Variants in RYR2 observed in about 807,000 individuals in gnomAD.
RYR2 encodes the protein cardiac muscle ryanodine receptor-calcium release channel.
Under a neutral mutation model 601.1 loss-of-function variants are expected in RYR2, and 227 were observed. The observed-to-expected ratio is 0.38, with a 90% CI of 0.34 to 0.42. The LOEUF is 0.42. Ranked by LOEUF, RYR2 falls within the 10% of genes least tolerant of loss-of-function variation. The pLI, the probability that RYR2 is intolerant of heterozygous loss-of-function variation, is 1.00. For synonymous variants in RYR2, 2,223 were observed against 2,175.1 expected (o/e 1.02, Z -0.61); for missense variants, 4,646 against 6,156.5 (o/e 0.75, Z 8.21).
At chr1:237,726,832 A>G (rs1264412764) in intron 75 of RYR2, among the ~76,000 whole-genome samples, 1 of 152,120 alleles carries the variant, frequency 6.6e-6, no homozygotes, top group Non-Finnish European at 1.5e-5. Context: ...CAGTATTGGG[A>G]AAATGTGATA....
intron 12 of RYR2, among the ~76,000 whole-genome samples, chr1:237,434,605 T>A (rs1045130025): frequency 6.6e-6 from 1 of 152,170 alleles, no homozygotes; most frequent in African/African-American, 2.4e-5. Flanking sequence ...ACCCTCCAGA[T>A]AAAATTTTTT....
rs1676566619 is a variant in RYR2 at position 237,602,111 on chromosome 1, G to C, written c.4683G>C (p.Lys1561Asn). ...TCCAGTTTGAGTTGGGAAGAATAAAGGTAATAAAACTTATTCCTGGTATTG... is the reference window on the plus strand; with the variant it reads ...TCCAGTTTGAGTTGGGAAGAATAAACGTAATAAAACTTATTCCTGGTATTG... ...NVFQFELGRI[K>N]NVMPLSAGLF... is the part of the protein sequence containing the mutation. The change falls in exon 35 of 105, where the codon AAG (lysine) becomes AAC (asparagine). Residue 1561 changes from lysine (K) to asparagine (N), a missense_variant and splice_region_variant. By Grantham distance (94) the Lys-to-Asn change is moderately conservative. This residue lies in a region of RYR2 where 1,807 missense variants were observed against 2,088.1 expected (regional missense o/e 0.87). Coordinates refer to ENST00000366574, the MANE Select transcript of RYR2 (RefSeq NM_001035.3). The C allele has an allele frequency of 6.2e-7, 1 of 1,608,378 alleles. No homozygotes were observed. The highest frequency in any genetic ancestry group is 1.3e-5 in the African/African-American group (1 of 74,772).
chr1:237,608,807 T>TG (rs1038105355), intron 35 of RYR2, among the ~76,000 whole-genome samples: 4 of 151,064 alleles, frequency 2.6e-5, no homozygotes, highest in South Asian at 4.2e-4. Context: ...TTTTTTTTTT[T>TG]TTTTTTTTTT....
intron 100 of RYR2, among the ~76,000 whole-genome samples, chr1:237,816,709 A>G (rs1661878484): frequency 6.6e-6 from 1 of 152,078 alleles, no homozygotes; most frequent in South Asian, 2.1e-4. Flanking sequence ...AAAAAAAAGG[A>G]AAAAAGCAAT....
chr1:237,134,180 A>G (rs982782387), intron 1 of RYR2, among the ~76,000 whole-genome samples: 1 of 152,180 alleles, frequency 6.6e-6, no homozygotes, highest in Non-Finnish European at 1.5e-5. Context: ...CTGGCACAGA[A>G]TCCACACTGG....
chr1:237,132,173 C>T (rs1018292614), intron 1 of RYR2, among the ~76,000 whole-genome samples: 12 of 152,210 alleles, frequency 7.9e-5, no homozygotes, highest in African/African-American at 2.4e-4. Context: ...TTTGGTGACA[C>T]GTTCTGAAGG....
chr1:237,098,349 T>A (rs908280283), intron 1 of RYR2, among the ~76,000 whole-genome samples: 1 of 151,748 alleles, frequency 6.6e-6, no homozygotes, highest in Non-Finnish European at 1.5e-5. Flanking sequence ...TCAAGCCAGC[T>A]AATATATCCA....
chr1:237,818,189 A>G (rs1185149238), intron 100 of RYR2, among the ~76,000 whole-genome samples: 4 of 152,222 alleles, frequency 2.6e-5, no homozygotes, highest in Non-Finnish European at 4.4e-5. Context: ...TCAATCCAGC[A>G]TGACTTCATT....
chr1:237,472,290 C>G (rs1232822645), intron 17 of RYR2, among the ~76,000 whole-genome samples: 2 of 152,168 alleles, frequency 1.3e-5, no homozygotes, highest in African/African-American at 4.8e-5. Context: ...CTCTCCTCAT[C>G]TCGTTAGTGC....
intron 66 of RYR2, among the ~76,000 whole-genome samples, chr1:237,703,215 T>C (rs1235792882): frequency 6.6e-6 from 1 of 152,026 alleles, no homozygotes; most frequent in Non-Finnish European, 1.5e-5. Flanking sequence ...CAGAAAATCC[T>C]TTCCATTTAC....
chr1:237,420,485 A>G (rs189379646), intron 11 of RYR2, among the ~76,000 whole-genome samples: 15 of 152,250 alleles, frequency 9.9e-5, no homozygotes. Flanking sequence ...ACTATTGCCA[A>G]TTTTAGTTTT....
intron 5 of RYR2, among the ~76,000 whole-genome samples, chr1:237,366,207 A>G (rs868285365): frequency 6.6e-6 from 1 of 152,182 alleles, no homozygotes; most frequent in Non-Finnish European, 1.5e-5. Flanking sequence ...ACAGTGATGC[A>G]TTAGGACTGT....
At chr1:237,248,001 C>T (rs999335047) in intron 1 of RYR2, among the ~76,000 whole-genome samples, 3 of 152,058 alleles carry the variant, frequency 2.0e-5, no homozygotes, top group Admixed American at 6.5e-5. Flanking sequence ...TGGCCGGGCA[C>T]GGTGGCTTAT....
At chr1:237,550,781 G>C in intron 27 of RYR2, 90 bp downstream of exon 27, 13 of 1,332,294 alleles carry the variant, frequency 9.8e-6, no homozygotes, top group Non-Finnish European at 1.3e-5. Flanking sequence ...GGGAGTACTG[G>C]ATAGAGTCCT....
chr1:237,282,144 T>C (rs1054471015), intron 2 of RYR2, among the ~76,000 whole-genome samples: 1 of 151,264 alleles, frequency 6.6e-6, no homozygotes, highest in Non-Finnish European at 1.5e-5. Context: ...ATCACTGGAG[T>C]GAACACACTG....
At chr1:237,692,399 A>C (rs1687023848) in intron 63 of RYR2, among the ~76,000 whole-genome samples, 1 of 152,088 alleles carries the variant, frequency 6.6e-6, no homozygotes, top group South Asian at 2.1e-4. Context: ...TTCCACGATG[A>C]TCTTATCAAA....
At chr1:237,102,526 A>G (rs549289984) in intron 1 of RYR2, among the ~76,000 whole-genome samples, 1 of 152,264 alleles carries the variant, frequency 6.6e-6, no homozygotes, top group Admixed American at 6.5e-5. Flanking sequence ...TTTTCCTTCT[A>G]GTTTTGATCA....
Position 237,173,681 on chromosome 1 carries a change from T to A in RYR2, c.49-96816T>A, listed in dbSNP as rs1418150577. 3.3e-5 allele frequency among the ~76,000 whole-genome samples: 5 copies of A among 152,198 alleles called. No individual in the cohort carries two copies. The East Asian group carries it at 9.6e-4, about 29-fold the overall frequency. On this transcript the variant is annotated intron_variant, in intron 1 of 104. Transcript: ENST00000366574. ...CCTGTCTATACACGCACACAGTTTA[T>A]ATGTGTGATTCTTAATTGCTTGGTA... is the stretch of plus-strand genomic sequence containing the variant.
At chr1:237,688,687 A>G (rs1043837198) in intron 63 of RYR2, among the ~76,000 whole-genome samples, 1 of 152,124 alleles carries the variant, frequency 6.6e-6, no homozygotes, top group Non-Finnish European at 1.5e-5. Context: ...CTTCTCTTCA[A>G]CAGAGAAATA....
Sources: gnomAD v4.1 joint callset for allele counts (sites outside exome capture counted in the v4.1 genomes callset) on GRCh38, gnomAD v4.1.1 for gene constraint, gnomAD v4.1.1 regional missense constraint, MANE v1.5 for transcripts, NCBI Gene and HGNC (gene_info 2026-07-23, HGNC 2026-07-21) for gene names.